SLC48A1: variants seen among roughly 807,000 people sequenced by gnomAD.
The protein encoded by SLC48A1 is heme transporter HRG1.
Under a neutral mutation model 14.8 loss-of-function variants are expected in SLC48A1, and 6 were observed. The ratio of observed to expected loss-of-function variants is 0.41; its 90% CI spans 0.22 to 0.80. The LOEUF is 0.80. Among genes scored for constraint, SLC48A1 ranks in the 30% least tolerant of loss-of-function variants. The probability of loss-of-function intolerance (pLI) is 0.34; values close to 1 mark genes in which losing one functional copy is unlikely to be tolerated. For missense variants in SLC48A1, 165 were observed against 204.8 expected (o/e 0.81, Z 1.19); for synonymous variants, 89 against 90.0 (o/e 0.99, Z 0.06).
intron 1 of SLC48A1, among the ~76,000 whole-genome samples, chr12:47,775,656 G>A (rs369148794): frequency 2.6e-5 from 4 of 152,216 alleles, no homozygotes; most frequent in Non-Finnish European, 5.9e-5. Context: ...CTGACTCAGC[G>A]TTTTATAGCT....
chr12:47,774,062 G>A (rs1271311842), intron 1 of SLC48A1, among the ~76,000 whole-genome samples: 1 of 152,186 alleles, frequency 6.6e-6, no homozygotes, highest in East Asian at 1.9e-4. Context: ...CACCCATGTT[G>A]GTGCCTTTTT....
chr12:47,765,117 T>TAAAAAAAAA (rs1942488224), intron 2 of SLC48A1, among the ~76,000 whole-genome samples: 2 of 63,404 alleles, frequency 3.2e-5, no homozygotes, highest in East Asian at 4.5e-4. Flanking sequence ...AAAAAAAAAT[T>TAAAAAAAAA]AGGGGAGGGT....
intron 1 of SLC48A1, among the ~76,000 whole-genome samples, chr12:47,775,628 C>T (rs1049537867): frequency 6.6e-6 from 1 of 152,180 alleles, no homozygotes; most frequent in African/African-American, 2.4e-5. Context: ...GATTAACTAA[C>T]GTGTGAGCAC....
rs1363317678 is a variant in SLC48A1, at chr12:47,777,935, C to T, written c.137-1093C>T. ...CCTTCCTGTGCACATTTGGTAACTA[C>T]TCTGAGTGGCATGTGTGCAGCTGCC... On this transcript the variant is annotated intron_variant, in intron 1 of 2. Coordinates refer to ENST00000442218, the MANE Select transcript of SLC48A1 (RefSeq NM_017842.3). The surrounding 1 kb of genome is among the most constrained non-coding windows in gnomAD (Gnocchi z 4.5). 6.6e-6 allele frequency among the ~76,000 whole-genome samples: 1 copy of T among 152,168 alleles called. No individual in the cohort carries two copies. The highest frequency in any genetic ancestry group is 1.9e-4 in the East Asian group (1 of 5,202).
rs1460717616 is a variant in SLC48A1 at position 47,780,807 on chromosome 12, T to C, written c.*526T>C. 1 of 479,516 alleles carries C rather than the reference T, an allele frequency of 2.1e-6. No homozygotes were observed. The highest frequency in any genetic ancestry group is 2.3e-5 in the Admixed American group (1 of 44,046). The allele number at this position is 479,516 out of a possible 1,614,324, so 29.7% of individuals were successfully genotyped here. A position where few individuals can be genotyped will look rare whatever the true frequency, so the allele number is the denominator to read the frequency against. ...GTCTCGAACTCCTGATCTCAGGTGA[T>C]TCACCCGCCTCAGCCTTCCAAAGTG... On this transcript the variant is annotated 3_prime_UTR_variant, in exon 3 of 3. Coordinates refer to ENST00000442218, the MANE Select transcript of SLC48A1 (RefSeq NM_017842.3).
At chr12:47,763,259 T>G (rs1942427889) in intron 2 of SLC48A1, among the ~76,000 whole-genome samples, 1 of 152,178 alleles carries the variant, frequency 6.6e-6, no homozygotes, top group African/African-American at 2.4e-5. Flanking sequence ...CTGTCAGCTT[T>G]GTTCACAAGG....
In SLC48A1 at chr12:47,779,577, A is replaced by T. The variant is rs115783234; in HGVS notation, c.304+382A>T. Among the ~76,000 whole-genome samples the T allele has an allele frequency of 5.6e-3, 855 of 152,244 alleles. 13 individuals are homozygous for T. The highest frequency in any genetic ancestry group is 0.019 in the African/African-American group (807 of 41,536). Reference sequence around the variant, plus strand: ...GGAGGTGGCCTAGGGTATTTGTCACAAAAGCGGAGTGGATGATACAGACCT... The same window carrying T: ...GGAGGTGGCCTAGGGTATTTGTCACTAAAGCGGAGTGGATGATACAGACCT... On this transcript the variant is annotated intron_variant, in intron 2 of 2. Transcript: ENST00000442218.
At chr12:47,775,469 G>C (rs1942729212) in intron 1 of SLC48A1, among the ~76,000 whole-genome samples, 1 of 152,208 alleles carries the variant, frequency 6.6e-6, no homozygotes, top group Non-Finnish European at 1.5e-5. Flanking sequence ...CTGTGGAAGA[G>C]CCAAAACTGC....
upstream of SLC48A1, among the ~76,000 whole-genome samples, chr12:47,757,705 C>T (rs917319545): frequency 2.0e-5 from 3 of 152,314 alleles, no homozygotes; most frequent in African/African-American, 4.8e-5. Flanking sequence ...GAGCCACCCA[C>T]GCACACTGCA....
At chr12:47,764,202 A>G (rs1337497848) in intron 2 of SLC48A1, among the ~76,000 whole-genome samples, 2 of 152,102 alleles carry the variant, frequency 1.3e-5, no homozygotes, top group Non-Finnish European at 2.9e-5. Context: ...GAGACACTGC[A>G]TCTGACCTTG....
intron 2 of SLC48A1, among the ~76,000 whole-genome samples, chr12:47,765,238 GA>G (rs966061516): frequency 2.0e-5 from 3 of 151,968 alleles, no homozygotes; most frequent in Non-Finnish European, 2.9e-5. Flanking sequence ...GAGGGAAACA[GA>G]AAAGTGGGGA....
chr12:47,773,409 G>T lies in SLC48A1; in HGVS notation c.105G>T (p.Gln35His). ...TCGTCTGGACGGTGGTCTACCGACA[G>T]CCGGGGACCGCGGCCATGGGAGGGC... is the stretch of plus-strand genomic sequence containing the variant. ...IFLVWTVVYR[Q>H]PGTAAMGGLA... The change falls in exon 1 of 3, where the codon CAG becomes CAT. Residue 35 changes from glutamine to histidine, a missense_variant. Physicochemically the swap from Gln to His is conservative, Grantham distance 24. Coordinates refer to ENST00000442218, the MANE Select transcript of SLC48A1 (RefSeq NM_017842.3). 6.2e-6 allele frequency: 9 copies of T among 1,447,044 alleles called. No individual in the cohort carries two copies. Among genetic ancestry groups the T allele is most frequent in the Non-Finnish European group, 8.2e-6 (9 of 1,094,118 alleles). The allele number at this position is 1,447,044 out of a possible 1,614,324, so 89.6% of individuals were successfully genotyped here. A position where few individuals can be genotyped will look rare whatever the true frequency, so the allele number is the denominator to read the frequency against.
upstream of SLC48A1, among the ~76,000 whole-genome samples, chr12:47,757,435 G>A (rs1053052943): frequency 6.6e-6 from 1 of 152,076 alleles, no homozygotes; most frequent in Admixed American, 6.5e-5. Flanking sequence ...CGCAGAATTA[G>A]CACAGTTCAG....
chr12:47,780,079 T>C, intron 2 of SLC48A1, 66 bp from the exon 3 acceptor site: 3 of 1,460,830 alleles, frequency 2.1e-6, no homozygotes, highest in Non-Finnish European at 1.8e-6. Flanking sequence ...GCCCTGGCCT[T>C]GTGGCCGGTG....
upstream of SLC48A1, chr12:47,773,223 G>A: frequency 2.7e-6 from 3 of 1,098,956 alleles, no homozygotes; most frequent in Non-Finnish European, 3.3e-6. Flanking sequence ...GGCGGCTCCC[G>A]CGGCTCCGGC....
intron 2 of SLC48A1, among the ~76,000 whole-genome samples, chr12:47,779,856 G>A (rs1229225563): frequency 2.0e-5 from 3 of 152,228 alleles, no homozygotes; most frequent in Non-Finnish European, 2.9e-5. Context: ...CGAGGGTTGC[G>A]TGCCCCTGAT....
upstream of SLC48A1, chr12:47,773,125 G>C (rs1468877422): frequency 5.5e-6 from 5 of 909,382 alleles, no homozygotes; most frequent in African/African-American, 5.4e-5. Flanking sequence ...CTGCGGTTCC[G>C]GGCGCGGGCG....
intron 2 of SLC48A1, among the ~76,000 whole-genome samples, chr12:47,779,424 C>CAAGCACTCCTGATATTGGG (rs1381779255): frequency 6.6e-6 from 1 of 152,168 alleles, no homozygotes; most frequent in Non-Finnish European, 1.5e-5. Flanking sequence ...ATAGCCCATA[C>CAAGCACTCCTGATATTGGG]AAGCACTCCT....
chr12:47,756,111 C>T (rs1942037021), upstream of SLC48A1: 1 of 152,256 alleles, frequency 6.6e-6, no homozygotes, highest in Admixed American at 6.5e-5. Flanking sequence ...CCTTTGACCC[C>T]ATTTACACTC....
Sources: allele counts gnomAD v4.1 joint callset (sites outside exome capture counted in the v4.1 genomes callset), GRCh38; gene constraint gnomAD v4.1.1; non-coding constraint Gnocchi (gnomAD v3.1); transcripts MANE v1.5; gene names NCBI Gene and HGNC (gene_info 2026-07-23, HGNC 2026-07-21).